The following NAA11 variants were observed in gnomAD, a reference collection of about 807,000 sequenced individuals.
NAA11 encodes N-alpha-acetyltransferase 11, NatA catalytic subunit.
In NAA11, 15 loss-of-function variants were observed where a neutral mutation model predicts 16.1. That is an observed-to-expected ratio of 0.93 (90% CI 0.62 to 1.44). The LOEUF is 1.44. NAA11 is among the 40% of genes most tolerant of loss of function. NAA11 has a pLI of 0.00. For missense variants in NAA11, 298 were observed against 291.3 expected (o/e 1.02, Z -0.17); for synonymous variants, 122 against 112.4 (o/e 1.09, Z -0.54).
At chr4:79,323,505 T>C (rs1185365237) in intron 1 of NAA11, among the ~76,000 whole-genome samples, 1 of 151,860 alleles carries the variant, frequency 6.6e-6, no homozygotes, top group Non-Finnish European at 1.5e-5. Flanking sequence ...GCCAATATGC[T>C]GAAACTCTGT....
At chr4:79,318,967 G>T (rs1724011973) in intron 1 of NAA11, among the ~76,000 whole-genome samples, 1 of 151,492 alleles carries the variant, frequency 6.6e-6, no homozygotes, top group African/African-American at 2.4e-5. Context: ...ACCCAGACTG[G>T]AGCACAGTGG....
At chr4:79,304,475 C>A (rs1723505106) in intron 1 of NAA11, among the ~76,000 whole-genome samples, 1 of 152,036 alleles carries the variant, frequency 6.6e-6, no homozygotes, top group Non-Finnish European at 1.5e-5. Flanking sequence ...ACGAATAATT[C>A]ATATAAAGAC....
chr4:79,259,259 G>C (rs1043444657), intron 2 of NAA11, among the ~76,000 whole-genome samples: 2 of 152,184 alleles, frequency 1.3e-5, no homozygotes, highest in African/African-American at 4.8e-5. Context: ...AGCTCCCTGA[G>C]CCAGGGTTGT....
chr4:79,170,162 A>G, the NAA11 span, among the ~76,000 whole-genome samples: 4 of 152,176 alleles, frequency 2.6e-5, no homozygotes, highest in African/African-American at 7.2e-5. Context: ...CTTCATGCGC[A>G]TGGGATTTGT....
rs184663838 is a variant in NAA11, at chr4:79,319,150, A to G, written c.*13-1359T>C. Among the ~76,000 whole-genome samples the G allele has an allele frequency of 3.7e-3, 558 of 151,638 alleles. 2 individuals are homozygous for G. Among genetic ancestry groups the G allele is most frequent in the African/African-American group, 0.013 (517 of 41,316 alleles). ...GCTATGTTTTCAAGGCTGGTCTTGA[A>G]CTCCTGGCCTCATGCAAAGCTCCCG... On this transcript the variant is annotated intron_variant, in intron 1 of 1. Transcript: ENST00000286794.
intron 2 of NAA11, among the ~76,000 whole-genome samples, chr4:79,266,890 A>T (rs921694587): frequency 6.6e-6 from 1 of 152,172 alleles, no homozygotes; most frequent in Non-Finnish European, 1.5e-5. Context: ...TCAATGAAGA[A>T]TTTTTCCATT....
chr4:79,271,759 G>A (rs907307343), intron 2 of NAA11, among the ~76,000 whole-genome samples: 3 of 152,022 alleles, frequency 2.0e-5, no homozygotes, highest in Non-Finnish European at 4.4e-5. Context: ...AAATTAGGCT[G>A]TGTAAATTCA....
intron 2 of NAA11, among the ~76,000 whole-genome samples, chr4:79,250,020 A>T (rs1343239348): frequency 6.6e-6 from 1 of 152,242 alleles, no homozygotes; most frequent in Non-Finnish European, 1.5e-5. Context: ...TGGCCCACCC[A>T]GGAGCAGCAC....
the NAA11 span, among the ~76,000 whole-genome samples, chr4:79,193,823 G>T: frequency 6.6e-6 from 1 of 152,238 alleles, no homozygotes; most frequent in Non-Finnish European, 1.5e-5. Context: ...GCGCAGTATG[G>T]CCATTTTCAC....
intron 2 of NAA11, among the ~76,000 whole-genome samples, chr4:79,236,602 A>C (rs1011918512): frequency 6.6e-6 from 1 of 152,182 alleles, no homozygotes; most frequent in African/African-American, 2.4e-5. Flanking sequence ...AAAATTTATG[A>C]GTTAATTAAA....
At chr4:79,218,846 A>G in the NAA11 span, among the ~76,000 whole-genome samples, 3 of 152,116 alleles carry the variant, frequency 2.0e-5, no homozygotes, top group African/African-American at 7.2e-5. Context: ...CAAGAGATGT[A>G]TATGCTGAAT....
At chr4:79,169,878 G>A in the NAA11 span, among the ~76,000 whole-genome samples, 1 of 152,180 alleles carries the variant, frequency 6.6e-6, no homozygotes, top group Non-Finnish European at 1.5e-5. Flanking sequence ...TATGTGACAT[G>A]GATCCAAACC....
At chr4:79,299,159 A>G (rs1204666030) in intron 1 of NAA11, 1 of 152,230 alleles carries the variant, frequency 6.6e-6, no homozygotes, top group Non-Finnish European at 1.5e-5. Flanking sequence ...AAAATTTGCT[A>G]TCACAGAATC....
At chr4:79,310,779 G>T (rs965170692) in intron 1 of NAA11, among the ~76,000 whole-genome samples, 1 of 152,168 alleles carries the variant, frequency 6.6e-6, no homozygotes, top group Non-Finnish European at 1.5e-5. Flanking sequence ...AATAATTTAT[G>T]AAAGTTGCTT....
chr4:79,196,104 G>A, the NAA11 span, among the ~76,000 whole-genome samples: 11 of 151,904 alleles, frequency 7.2e-5, no homozygotes, highest in Non-Finnish European at 1.5e-4. Context: ...TACACTTCCA[G>A]TCTCTACTCC....
At position 79,282,493 on chromosome 4, in the gene NAA11, T is replaced by C. The variant is rs554477850; in HGVS notation, c.*122+11512A>G. Among the ~76,000 whole-genome samples the C allele has an allele frequency of 5.5e-4, 83 of 152,156 alleles. 1 individual carries two copies. In the South Asian group the frequency reaches 0.017, roughly 30 times the overall value. ...ATTTCAGAGGTGGAATTGACAAGAA[T>C]GGCTGATGGGTTAGACAGCAAAGAG... On this transcript the variant is annotated intron_variant and NMD_transcript_variant, in intron 2 of 2. Coordinates refer to the NAA11 transcript ENST00000511542.
the NAA11 span, among the ~76,000 whole-genome samples, chr4:79,219,256 T>C: frequency 6.6e-6 from 1 of 152,130 alleles, no homozygotes; most frequent in Non-Finnish European, 1.5e-5. Flanking sequence ...TGAAGAGTAG[T>C]CATTATTTCC....
At chr4:79,194,028 G>C in the NAA11 span, among the ~76,000 whole-genome samples, 1 of 152,076 alleles carries the variant, frequency 6.6e-6, no homozygotes, top group East Asian at 1.9e-4. Context: ...CTCTCTGTCT[G>C]TTATTGGTGT....
chr4:79,159,190 T>C, the NAA11 span, among the ~76,000 whole-genome samples: 1 of 152,180 alleles, frequency 6.6e-6, no homozygotes, highest in Non-Finnish European at 1.5e-5. Context: ...TCTATAGGTC[T>C]GGCAAAGCAC....
Sources: gnomAD v4.1 joint callset for allele counts (sites outside exome capture counted in the v4.1 genomes callset) on GRCh38, gnomAD v4.1.1 for gene constraint, MANE v1.5 for transcripts, NCBI Gene and HGNC (gene_info 2026-07-23, HGNC 2026-07-21) for gene names.